PAGE2B: variants seen among roughly 807,000 people sequenced by gnomAD.
PAGE2B encodes the protein PAGE family member 2B, also known as putative G antigen family E member 3.
In PAGE2B, 5 loss-of-function variants were observed where a neutral mutation model predicts 7.6. That is an observed-to-expected ratio of 0.66 (90% confidence interval 0.34 to 1.38). PAGE2B has a LOEUF of 1.38. PAGE2B is among the 40% of genes most tolerant of loss of function. The pLI, the probability that PAGE2B is intolerant of heterozygous loss-of-function variation, is 0.04. For missense variants in PAGE2B, 70 were observed against 78.4 expected, an observed-to-expected ratio of 0.89 and a Z score of 0.41; for synonymous variants, 29 against 26.7, an observed-to-expected ratio of 1.09 and a Z score of -0.27.
At chrX:55,029,877 G>A in the PAGE2B span, among the ~76,000 whole-genome samples, 1 of 111,034 alleles carries the variant, frequency 9.0e-6, no homozygotes, top group Non-Finnish European at 1.9e-5. Flanking sequence ...TGTACTCCCA[G>A]AGGTGAAAAG....
chrX:55,053,466 G>A, the PAGE2B span, among the ~76,000 whole-genome samples: 1 of 111,799 alleles, frequency 8.9e-6, no homozygotes, highest in Non-Finnish European at 1.9e-5. Context: ...AACCACCATG[G>A]CACCCATTTA....
chrX:55,048,826 G>C, the PAGE2B span, among the ~76,000 whole-genome samples: 4 of 111,558 alleles, frequency 3.6e-5, no homozygotes, highest in South Asian at 1.5e-3. Context: ...GCCCTGGCCA[G>C]AACTTCCAAC....
chrX:55,063,392 A>G, the PAGE2B span, among the ~76,000 whole-genome samples: 1 of 111,193 alleles, frequency 9.0e-6, no homozygotes, highest in East Asian at 2.8e-4. Flanking sequence ...TAGAAATGCT[A>G]CTGATTTTTG....
the PAGE2B span, chrX:55,055,921 CT>C: frequency 4.2e-5 from 4 of 94,989 alleles, no homozygotes; most frequent in African/African-American, 1.5e-4. Context: ...AAAAAAAAAA[CT>C]TCAGCTTTAC....
At chrX:55,061,046 A>C in the PAGE2B span, among the ~76,000 whole-genome samples, 1 of 111,155 alleles carries the variant, frequency 9.0e-6, no homozygotes, top group Admixed American at 9.7e-5. Flanking sequence ...TGGTCTTCTT[A>C]TTTGAAAGAG....
At chrX:55,047,018 G>T in the PAGE2B span, among the ~76,000 whole-genome samples, 32 of 110,975 alleles carry the variant, frequency 2.9e-4, no homozygotes, top group Non-Finnish European at 5.5e-4. Flanking sequence ...ATGTTGGTGT[G>T]CTGCACCCAT....
At chrX:55,046,197 T>C in the PAGE2B span, among the ~76,000 whole-genome samples, 5 of 111,684 alleles carry the variant, frequency 4.5e-5, no homozygotes, top group African/African-American at 1.6e-4. Flanking sequence ...CACTGCAACC[T>C]CCACTTCCCG....
chrX:55,036,403 T>G, the PAGE2B span, among the ~76,000 whole-genome samples: 1 of 111,269 alleles, frequency 9.0e-6, no homozygotes, highest in Non-Finnish European at 1.9e-5. Context: ...ATGCTTCCAG[T>G]TTTTGTCCAT....
chrX:55,076,503 A>G, intron 2 of PAGE2B, 66 bp from the exon 3 acceptor site: 1 of 981,904 alleles, frequency 1.0e-6, no homozygotes, highest in South Asian at 2.2e-5. Flanking sequence ...GTGTGATTCG[A>G]TGCACATATG....
chrX:55,071,474 C>T (rs1180850220), upstream of PAGE2B, among the ~76,000 whole-genome samples: 1 of 111,451 alleles, frequency 9.0e-6, no homozygotes, highest in Non-Finnish European at 1.9e-5. Flanking sequence ...CTCTGGCTGC[C>T]CTTAACATTT....
chrX:55,029,083 T>G, the PAGE2B span, among the ~76,000 whole-genome samples: 1 of 112,226 alleles, frequency 8.9e-6, no homozygotes, highest in Non-Finnish European at 1.9e-5. Flanking sequence ...TGTTAAATAT[T>G]ATATTTAATT....
chrX:55,028,912 G>A, the PAGE2B span, among the ~76,000 whole-genome samples: 2 of 111,288 alleles, frequency 1.8e-5, no homozygotes, highest in African/African-American at 6.5e-5. Flanking sequence ...CACTAGCTTT[G>A]GGACCTTAGA....
At chrX:55,075,985 T>C in intron 1 of PAGE2B, 49 bp from the exon 2 acceptor site, 1 of 1,093,135 alleles carries the variant, frequency 9.1e-7, no homozygotes, top group Non-Finnish European at 1.2e-6. Flanking sequence ...TTCATATATA[T>C]AGCTAAGTTC....
chrX:55,060,187 A>G, the PAGE2B span, among the ~76,000 whole-genome samples: 2 of 111,467 alleles, frequency 1.8e-5, no homozygotes, highest in Non-Finnish European at 3.8e-5. Flanking sequence ...CAATAACTCT[A>G]TTTTTAATTT....
chrX:55,043,492 GAA>G, the PAGE2B span, among the ~76,000 whole-genome samples: 5 of 101,180 alleles, frequency 4.9e-5, no homozygotes, highest in Admixed American at 2.1e-4. Context: ...AAATCAGCAA[GAA>G]AAAAAAAAAT....
chrX:55,029,721 A>G, the PAGE2B span, among the ~76,000 whole-genome samples: 1 of 111,999 alleles, frequency 8.9e-6, no homozygotes, highest in Non-Finnish European at 1.9e-5. Flanking sequence ...TTATGTACCT[A>G]ATGTGTGATA....
chrX:55,066,477 T>C, the PAGE2B span, among the ~76,000 whole-genome samples: 1 of 112,268 alleles, frequency 8.9e-6, no homozygotes, highest in Admixed American at 9.5e-5. Context: ...ATGTCTGGAG[T>C]TGATGAAATC....
At chrX:55,052,767 G>A in the PAGE2B span, among the ~76,000 whole-genome samples, 59 of 112,812 alleles carry the variant, frequency 5.2e-4, no homozygotes, top group African/African-American at 1.6e-3. Flanking sequence ...CGGGTGAGGC[G>A]ATGCCTCGCC....
At chrX:55,049,201 G>T in the PAGE2B span, among the ~76,000 whole-genome samples, 1 of 110,126 alleles carries the variant, frequency 9.1e-6, no homozygotes, top group Admixed American at 9.7e-5. Flanking sequence ...TGCTGGATTC[G>T]GTTTGCCAGT....
Sources: allele counts gnomAD v4.1 joint callset (sites outside exome capture counted in the v4.1 genomes callset), GRCh38; gene constraint gnomAD v4.1.1; transcripts MANE v1.5; gene names NCBI Gene and HGNC (gene_info 2026-07-23, HGNC 2026-07-21).